AAR2: variants seen among roughly 807,000 people sequenced by gnomAD.
The protein encoded by AAR2 is AAR2 splicing factor.
In AAR2, 31 loss-of-function variants were observed where a neutral mutation model predicts 26.9. That is an observed-to-expected ratio of 1.15 (90% CI 0.86 to 1.55). AAR2 has a LOEUF of 1.55. AAR2 is among the 40% of genes most tolerant of loss of function. AAR2 has a pLI of 0.00. For synonymous variants in AAR2, 188 were observed against 196.1 expected, an observed-to-expected ratio of 0.96 and a Z score of 0.34; for missense variants, 430 against 491.3, an observed-to-expected ratio of 0.88 and a Z score of 1.18.
In AAR2 at chr20:36,244,723, T is replaced by C; in HGVS notation, c.784T>C (p.Phe262Leu). 6.2e-7 allele frequency: 1 copy of C among 1,614,202 alleles called. No homozygotes were observed. Among genetic ancestry groups the C allele is most frequent in the Non-Finnish European group, 8.5e-7 (1 of 1,180,038 alleles). ...LGELQFAFVC[F>L]LLGNVYEAFE... is the part of the protein sequence containing the mutation. ...TGAACTCCAGTTTGCTTTTGTGTGC[T>C]TCCTGCTGGGGAATGTGTACGAGGC... The change falls in exon 3 of 4, where the codon TTC (phenylalanine) becomes CTC (leucine). Residue 262 changes from phenylalanine (F) to leucine (L), a missense_variant. By Grantham distance (22) the Phe-to-Leu change is conservative. Transcript: ENST00000320849.
chr20:36,255,398 C>T (rs1314228495), intron 3 of AAR2, among the ~76,000 whole-genome samples, 180 bp from the exon 4 acceptor site: 1 of 152,248 alleles, frequency 6.6e-6, no homozygotes, highest in African/African-American at 2.4e-5. Flanking sequence ...CCTAGCATCT[C>T]AGCTGGGTTT....
At chr20:36,237,953 T>G (rs1348935025) in intron 1 of AAR2, among the ~76,000 whole-genome samples, 1 of 151,780 alleles carries the variant, frequency 6.6e-6, no homozygotes, top group African/African-American at 2.4e-5. Flanking sequence ...CGGCTAATTT[T>G]TTTTGTATTT....
intron 2 of AAR2, among the ~76,000 whole-genome samples, chr20:36,242,219 A>G (rs1472842577): frequency 2.1e-5 from 3 of 140,476 alleles, no homozygotes; most frequent in African/African-American, 8.2e-5. Flanking sequence ...TCACACAATC[A>G]TGTCTTACTG....
intron 1 of AAR2, among the ~76,000 whole-genome samples, chr20:36,238,351 T>C (rs768229740): frequency 5.9e-5 from 9 of 152,212 alleles, no homozygotes; most frequent in Non-Finnish European, 1.2e-4. Flanking sequence ...CACAAAGTGC[T>C]GATTCAGGGT....
chr20:36,253,457 C>T (rs1373036913), intron 3 of AAR2, among the ~76,000 whole-genome samples: 1 of 152,136 alleles, frequency 6.6e-6, no homozygotes, highest in Admixed American at 6.5e-5. Context: ...GCTTCCATTT[C>T]CTTAAAATAG....
intron 1 of AAR2, among the ~76,000 whole-genome samples, chr20:36,238,344 A>G (rs888603369): frequency 6.6e-6 from 1 of 152,228 alleles, no homozygotes; most frequent in Non-Finnish European, 1.5e-5. Flanking sequence ...GGTGAAACAC[A>G]AAGTGCTGAT....
At chr20:36,247,055 T>C (rs2064740877) in intron 3 of AAR2, among the ~76,000 whole-genome samples, 1 of 152,238 alleles carries the variant, frequency 6.6e-6, no homozygotes, top group Non-Finnish European at 1.5e-5. Context: ...ACTGGGAATA[T>C]AGCTGTGAGC....
intron 3 of AAR2, among the ~76,000 whole-genome samples, chr20:36,248,604 T>C (rs1281234208): frequency 6.6e-6 from 1 of 152,194 alleles, no homozygotes; most frequent in African/African-American, 2.4e-5. Context: ...CTGGTTATCA[T>C]CAATATGTTG....
chr20:36,244,251 A>C (rs2064711552), intron 2 of AAR2, among the ~76,000 whole-genome samples: 1 of 152,198 alleles, frequency 6.6e-6, no homozygotes, highest in Admixed American at 6.5e-5. Flanking sequence ...GGAGCTTGTT[A>C]GAGCTACAGA....
rs751091834 is a variant in AAR2 at position 36,240,556 on chromosome 20, A to G, written c.688A>G (p.Met230Val). Residue 230 changes from methionine (M) to valine (V), a missense_variant, in exon 2 of 4, where the codon ATG becomes GTG. Physicochemically the swap from Met to Val is conservative, Grantham distance 21. Coordinates refer to ENST00000320849, the MANE Select transcript of AAR2 (RefSeq NM_001271874.2). The part of the protein sequence containing the change: ...ATPAEITKHS[M>V]DLSYALETVL... Reference sequence around the variant, plus strand: ...GCCAGCTGAGATAACCAAGCACAGCATGGACCTGAGCTATGCCCTGGAGAC... The same window carrying G: ...GCCAGCTGAGATAACCAAGCACAGCGTGGACCTGAGCTATGCCCTGGAGAC... 6 of 1,613,698 alleles carry G rather than the reference A, an allele frequency of 3.7e-6. No homozygotes were observed. Among genetic ancestry groups the G allele is most frequent in the Admixed American group, 3.3e-5 (2 of 59,996 alleles).
chr20:36,243,842 T>A (rs1465482180), intron 2 of AAR2, among the ~76,000 whole-genome samples: 4 of 152,242 alleles, frequency 2.6e-5, no homozygotes. Flanking sequence ...GTCACACAGC[T>A]GCTAAGTGGC....
rs1208812913 is a variant in AAR2, at chr20:36,240,028, G to A, written c.160G>A (p.Gly54Ser). Residue 54 changes from glycine to serine, a missense_variant, in exon 2 of 4, where the codon GGC (glycine) becomes AGC (serine). Physicochemically the swap from Gly to Ser is moderately conservative, Grantham distance 56. Coordinates refer to ENST00000320849, the MANE Select transcript of AAR2 (RefSeq NM_001271874.2). ...CCGGGGCGTGAAGATGATCCCTCCA[G>A]GCATCCACTTCCTCCACTACAGCTC... ...KFRGVKMIPP[G>S]IHFLHYSSVD... The A allele has an allele frequency of 6.2e-7, 1 of 1,614,224 alleles. No individual in the cohort carries two copies.
Position 36,255,606 on chromosome 20 carries a change from C to T in AAR2, c.1016C>T (p.Ala339Val), listed in dbSNP as rs2147301971. The change falls in exon 4 of 4, where the codon GCC (alanine) becomes GTC (valine). Residue 339 changes from alanine to valine, a missense_variant. By Grantham distance (64) the Ala-to-Val change is moderately conservative. Coordinates refer to ENST00000320849, the MANE Select transcript of AAR2 (RefSeq NM_001271874.2). Reference sequence around the variant, plus strand: ...TTCTTTTCCTCTGCCTGCAGCATTGCCGTGGATGCCACCCTGAGAAAGAAA... The same window carrying T: ...TTCTTTTCCTCTGCCTGCAGCATTGTCGTGGATGCCACCCTGAGAAAGAAA... ...QVFFSSACSI[A>V]VDATLRKKAE... 6.2e-7 allele frequency: 1 copy of T among 1,614,228 alleles called. No homozygotes were observed. Among genetic ancestry groups the T allele is most frequent in the Admixed American group, 1.7e-5 (1 of 60,032 alleles).
At chr20:36,247,675 C>T (rs1318763015) in intron 3 of AAR2, among the ~76,000 whole-genome samples, 1 of 152,102 alleles carries the variant, frequency 6.6e-6, no homozygotes, top group African/African-American at 2.4e-5. Flanking sequence ...AGAGACCAGC[C>T]TGGCCAACAT....
In AAR2 at chr20:36,255,884, T is replaced by A; in HGVS notation, c.*139T>A. 9.4e-7 allele frequency: 1 copy of A among 1,058,776 alleles called. No homozygotes were observed. The highest frequency in any genetic ancestry group is 1.3e-6 in the Non-Finnish European group (1 of 751,898). The allele number at this position is 1,058,776 out of a possible 1,614,324, so 65.6% of individuals were successfully genotyped here. On this transcript the variant is annotated 3_prime_UTR_variant, in exon 4 of 4. Coordinates refer to ENST00000320849, the MANE Select transcript of AAR2 (RefSeq NM_001271874.2). ...CTGCAAAGATGGAGCCAGAATTCCC[T>A]TTTTCACTGATAAATATATTTCTTC...
At position 36,255,835 on chromosome 20, in the gene AAR2, C is replaced by A; in HGVS notation, c.*90C>A. ...TTACTTCTTCCCATCCTGGGACCTG[C>A]CAGGGCAGCAATCTCTCCAGGTCCT... On this transcript the variant is annotated 3_prime_UTR_variant, in exon 4 of 4. Transcript: ENST00000320849. 6 of 1,478,734 alleles carry A rather than the reference C, an allele frequency of 4.1e-6. No individual in the cohort carries two copies. Among genetic ancestry groups the A allele is most frequent in the Non-Finnish European group, 5.5e-6 (6 of 1,092,392 alleles). The allele number at this position is 1,478,734 out of a possible 1,614,324, so 91.6% of individuals were successfully genotyped here.
chr20:36,247,136 C>G (rs1391441188), intron 3 of AAR2, among the ~76,000 whole-genome samples: 2 of 152,176 alleles, frequency 1.3e-5, no homozygotes, highest in African/African-American at 4.8e-5. Flanking sequence ...CAAGTAACTC[C>G]AGATAGCAGA....
In AAR2 at chr20:36,251,537, A is replaced by G. The variant is rs1293172816; in HGVS notation, c.988-4041A>G. Among the ~76,000 whole-genome samples the G allele has an allele frequency of 2.6e-5, 4 of 152,228 alleles. No homozygotes were observed. The East Asian group carries it at 7.7e-4, about 29-fold the overall frequency. Reference sequence around the variant, plus strand: ...GCAGTGCTAAAAATAAATATCAGGGATGGATTAAGCCTCTGTCAAGACAAA... The same window carrying G: ...GCAGTGCTAAAAATAAATATCAGGGGTGGATTAAGCCTCTGTCAAGACAAA... On this transcript the variant is annotated intron_variant, in intron 3 of 3. Transcript: ENST00000320849.
intron 1 of AAR2, among the ~76,000 whole-genome samples, chr20:36,237,844 G>A (rs1041525611): frequency 2.0e-5 from 3 of 151,102 alleles, no homozygotes; most frequent in Non-Finnish European, 4.4e-5. Flanking sequence ...GTGCAGTGGT[G>A]TGATCTCAGC....
Sources: allele counts gnomAD v4.1 joint callset (sites outside exome capture counted in the v4.1 genomes callset), GRCh38; gene constraint gnomAD v4.1.1; transcripts MANE v1.5; gene names NCBI Gene and HGNC (gene_info 2026-07-23, HGNC 2026-07-21).